Variants in SPTBN1 observed in about 807,000 individuals in gnomAD.
SPTBN1 encodes the protein spectrin beta, non-erythrocytic 1.
In SPTBN1, 32 loss-of-function variants were observed where a neutral mutation model predicts 266.4. The observed-to-expected ratio is 0.12, with a 90% CI of 0.09 to 0.16. The LOEUF is 0.16. Among genes scored for constraint, SPTBN1 ranks in the 10% least tolerant of loss-of-function variants. The pLI, the probability that SPTBN1 is intolerant of heterozygous loss-of-function variation, is 1.00. For synonymous variants in SPTBN1, 1,336 were observed against 1,162.2 expected (o/e 1.15, Z -3.04); for missense variants, 2,296 against 3,067.1 (o/e 0.75, Z 5.94).
chr2:54,658,911 G>C (rs1680852289), intron 30 of SPTBN1, among the ~76,000 whole-genome samples: 1 of 152,160 alleles, frequency 6.6e-6, no homozygotes, highest in South Asian at 2.1e-4. Context: ...CAAGCTCCCA[G>C]GGGTCCTACA....
chr2:54,603,295 G>A (rs1676619384), intron 3 of SPTBN1, among the ~76,000 whole-genome samples: 1 of 152,188 alleles, frequency 6.6e-6, no homozygotes, highest in Non-Finnish European at 1.5e-5. Context: ...TCAGGAACTG[G>A]CGCAGGGCAA....
intron 26 of SPTBN1, among the ~76,000 whole-genome samples, chr2:54,651,209 C>G (rs1382289435): frequency 6.6e-6 from 1 of 152,186 alleles, no homozygotes; most frequent in Non-Finnish European, 1.5e-5. Flanking sequence ...TTTAGAACTG[C>G]AAGACACTTG....
In SPTBN1 at chr2:54,669,853, CTG is replaced by C. The variant is rs1405224726; in HGVS notation, c.*1286_*1287del. ...CTACAGCAAACAGTAATAAATGTGACTGTTTTGTAGTTATACATTCAGGCTTT... is the reference window on the plus strand; with the variant it reads ...CTACAGCAAACAGTAATAAATGTGACTTTTGTAGTTATACATTCAGGCTTT... On this transcript the variant is annotated 3_prime_UTR_variant, in exon 36 of 36. Coordinates refer to ENST00000356805, the MANE Select transcript of SPTBN1 (RefSeq NM_003128.3). The C allele has an allele frequency of 1.3e-5, 2 of 152,188 alleles. No individual in the cohort carries two copies. Among genetic ancestry groups the C allele is most frequent in the Non-Finnish European group, 2.9e-5 (2 of 68,030 alleles). 9.4% of individuals were successfully genotyped at this position (152,188 alleles called of 1,614,324 possible). A position where few individuals can be genotyped will look rare whatever the true frequency, so the allele number is the denominator to read the frequency against.
At chr2:54,571,145 A>G (rs1231897801) in intron 2 of SPTBN1, among the ~76,000 whole-genome samples, 1 of 152,190 alleles carries the variant, frequency 6.6e-6, no homozygotes, top group South Asian at 2.1e-4. Context: ...TCAGGAGAGC[A>G]GTGGAAGGGA....
chr2:54,667,792 T>C (rs766578905), intron 35 of SPTBN1, 146 bp downstream of exon 35: 27 of 710,650 alleles, frequency 3.8e-5, no homozygotes, highest in Non-Finnish European at 5.6e-5. Context: ...CACTAGAAGG[T>C]GTTTGGTTCT....
At chr2:54,607,138 T>C (rs1380233283) in intron 3 of SPTBN1, among the ~76,000 whole-genome samples, 1 of 152,256 alleles carries the variant, frequency 6.6e-6, no homozygotes, top group Non-Finnish European at 1.5e-5. Flanking sequence ...CATTTCTTTT[T>C]CCATTGCTAT....
intron 1 of SPTBN1, among the ~76,000 whole-genome samples, chr2:54,476,026 T>C (rs1667805883): frequency 6.6e-6 from 1 of 152,338 alleles, no homozygotes; most frequent in Middle Eastern, 3.4e-3. Context: ...TTCTGGTCAC[T>C]ATATATAGGT....
At position 54,660,889 on chromosome 2, in the gene SPTBN1, A is replaced by G. The variant is rs1267458011; in HGVS notation, c.6420+890A>G. 3.0e-6 allele frequency: 3 copies of G among 985,258 alleles called. No homozygotes were observed. The African/African-American group carries it at 5.2e-5, about 17-fold the overall frequency. The allele number at this position is 985,258 out of a possible 1,614,324, so 61.0% of individuals were successfully genotyped here. A position where few individuals can be genotyped will look rare whatever the true frequency, so the allele number is the denominator to read the frequency against. ...GACAGCCGTTCTCAGCATGTTTTAG[A>G]AGCTTGCCTCACAGACTTCCATGCC... On this transcript the variant is annotated intron_variant, in intron 32 of 35. Transcript: ENST00000356805.
chr2:54,570,570 T>A (rs1340980324), intron 2 of SPTBN1, among the ~76,000 whole-genome samples: 1 of 152,114 alleles, frequency 6.6e-6, no homozygotes, highest in African/African-American at 2.4e-5. Flanking sequence ...GCAACTGTGA[T>A]AGAATTTTGG....
At chr2:54,472,135 C>T (rs977676761) in intron 1 of SPTBN1, among the ~76,000 whole-genome samples, 9 of 146,204 alleles carry the variant, frequency 6.2e-5, no homozygotes, top group African/African-American at 2.3e-4. Flanking sequence ...TCACACCATT[C>T]TCCTGCCTCA....
At chr2:54,487,492 A>G (rs1048026078) in intron 1 of SPTBN1, among the ~76,000 whole-genome samples, 1 of 152,172 alleles carries the variant, frequency 6.6e-6, no homozygotes, top group African/African-American at 2.4e-5. Flanking sequence ...CTTAAGAAAT[A>G]CCAACATCAT....
intron 3 of SPTBN1, among the ~76,000 whole-genome samples, chr2:54,610,222 G>C (rs542799815): frequency 5.3e-5 from 8 of 152,252 alleles, no homozygotes; most frequent in African/African-American, 1.9e-4. Context: ...AACCTTTCCT[G>C]GTTCTGAGGG....
rs967810142 is a variant in SPTBN1, at chr2:54,531,615, T to C, written c.148+5049T>C. Among the ~76,000 whole-genome samples, 4 of 151,834 alleles carry C rather than the reference T, an allele frequency of 2.6e-5. No homozygotes were observed. The East Asian group carries it at 7.7e-4, about 29-fold the overall frequency. ...TATCGGTTTTTGTTTTTTGTTTTTTTTTTTTAATGTAGAAATCAGGCCTGT... is the reference window on the plus strand; with the variant it reads ...TATCGGTTTTTGTTTTTTGTTTTTTCTTTTTAATGTAGAAATCAGGCCTGT... On this transcript the variant is annotated intron_variant, in intron 2 of 35. Coordinates refer to ENST00000356805, the MANE Select transcript of SPTBN1 (RefSeq NM_003128.3).
rs964006740 is a variant in SPTBN1, at chr2:54,557,646, C to T, written c.148+31080C>T. 3 of 880,734 alleles carry T rather than the reference C, an allele frequency of 3.4e-6. No homozygotes were observed. The South Asian group carries it at 1.6e-4, about 46-fold the overall frequency. The allele number at this position is 880,734 out of a possible 1,614,324, so 54.6% of individuals were successfully genotyped here. A position where few individuals can be genotyped will look rare whatever the true frequency, so the allele number is the denominator to read the frequency against. On this transcript the variant is annotated intron_variant, in intron 2 of 35. Transcript: ENST00000356805. The stretch of plus-strand genomic sequence containing the variant: ...CTCCGGATCATAAACAACTCCAGGT[C>T]AGGGATCTCGGCGGTGTTTACCTGT...
rs1248340351 is a variant in SPTBN1, at chr2:54,528,833, GA to G, written c.148+2271del. 20 of 152,278 alleles carry G rather than the reference GA, an allele frequency of 1.3e-4. 1 individual carries two copies. The highest frequency in any genetic ancestry group is 1.3e-3 in the Admixed American group (20 of 15,282). 9.4% of individuals were successfully genotyped at this position (152,278 alleles called of 1,614,324 possible). On this transcript the variant is annotated intron_variant, in intron 2 of 35. Coordinates refer to ENST00000356805, the MANE Select transcript of SPTBN1 (RefSeq NM_003128.3). ...CTAGAAGAAACCAGGGCAAAATATT[GA>G]AAAGGAAAGATGCTGCTTCCAGGTT...
chr2:54,607,394 G>A (rs1214602152), intron 3 of SPTBN1, among the ~76,000 whole-genome samples: 1 of 152,208 alleles, frequency 6.6e-6, no homozygotes, highest in Non-Finnish European at 1.5e-5. Context: ...AGGCCAAGGT[G>A]GATGGATCAT....
intron 31 of SPTBN1, among the ~76,000 whole-genome samples, chr2:54,659,511 GTGTGCACA>G (rs2104207771): frequency 6.6e-6 from 1 of 152,306 alleles, no homozygotes; most frequent in Non-Finnish European, 1.5e-5. Context: ...TTCTCATCCT[GTGTGCACA>G]CACACAGGAT....
At chr2:54,663,247 G>C (rs1461583258) in intron 32 of SPTBN1, 1 of 152,232 alleles carries the variant, frequency 6.6e-6, no homozygotes, top group Non-Finnish European at 1.5e-5. Context: ...CTGCTAATTT[G>C]GTGTCACTTT....
At chr2:54,488,166 G>T (rs1217185278) in intron 1 of SPTBN1, among the ~76,000 whole-genome samples, 1 of 152,030 alleles carries the variant, frequency 6.6e-6, no homozygotes, top group African/African-American at 2.4e-5. Context: ...CTAGTCACTA[G>T]GTCCAGGAGT....
Sources: allele counts gnomAD v4.1 joint callset (sites outside exome capture counted in the v4.1 genomes callset), GRCh38; gene constraint gnomAD v4.1.1; transcripts MANE v1.5; gene names NCBI Gene and HGNC (gene_info 2026-07-23, HGNC 2026-07-21).